Variants in ATP10B observed in about 807,000 individuals in gnomAD.
ATP10B encodes the protein phospholipid-transporting ATPase VB.
ATP10B carries 122 observed loss-of-function variants against 141.2 expected under a neutral mutation model. The observed-to-expected ratio is 0.86, with a 90% CI of 0.75 to 1.00. The LOEUF (loss-of-function observed/expected upper bound fraction) is 1.00. ATP10B is among the 50% of genes least tolerant of loss of function. ATP10B has a pLI of 0.00. For synonymous variants in ATP10B, 685 were observed against 692.0 expected (o/e 0.99, Z 0.16); for missense variants, 1,876 against 1,825.3 (o/e 1.03, Z -0.51).
At chr5:160,609,199 G>A (rs1757571961) in intron 18 of ATP10B, among the ~76,000 whole-genome samples, 1 of 152,038 alleles carries the variant, frequency 6.6e-6, no homozygotes, top group Non-Finnish European at 1.5e-5. Flanking sequence ...ATTTATTGAA[G>A]TGCTAAAAGT....
chr5:160,627,683 TA>T, intron 13 of ATP10B, among the ~76,000 whole-genome samples: 1 of 151,952 alleles, frequency 6.6e-6, no homozygotes, highest in East Asian at 1.9e-4. Flanking sequence ...TAGCAGTCAT[TA>T]AAAAAAATAA....
chr5:160,567,025 T>C (rs1272155202), intron 25 of ATP10B, among the ~76,000 whole-genome samples: 3 of 152,186 alleles, frequency 2.0e-5, no homozygotes, highest in Non-Finnish European at 2.9e-5. Flanking sequence ...TTTTGTTCTC[T>C]CACATCTCAC....
At chr5:160,814,515 T>C (rs1186030628) in intron 1 of ATP10B, among the ~76,000 whole-genome samples, 6 of 149,306 alleles carry the variant, frequency 4.0e-5, no homozygotes, top group African/African-American at 7.3e-5. Flanking sequence ...CTGATTGGCG[T>C]ACCTGAAAGT....
intron 24 of ATP10B, among the ~76,000 whole-genome samples, chr5:160,572,010 G>T (rs1046459838): frequency 6.6e-6 from 1 of 152,170 alleles, no homozygotes; most frequent in Admixed American, 6.5e-5. Flanking sequence ...TAACTTAGGA[G>T]CCTAGGTATT....
At chr5:160,724,245 T>C (rs1020549822) in intron 2 of ATP10B, among the ~76,000 whole-genome samples, 3 of 145,362 alleles carry the variant, frequency 2.1e-5, no homozygotes, top group East Asian at 4.3e-4. Context: ...TGAGAAGCTA[T>C]AATTCCTTTT....
intron 1 of ATP10B, among the ~76,000 whole-genome samples, chr5:160,831,030 C>G (rs1016945905): frequency 1.3e-4 from 20 of 151,460 alleles, no homozygotes; most frequent in African/African-American, 4.9e-4. Flanking sequence ...TGGTTAAAGA[C>G]AGACTTTGAA....
At chr5:160,739,652 C>G (rs1230908992) in intron 2 of ATP10B, among the ~76,000 whole-genome samples, 1 of 152,146 alleles carries the variant, frequency 6.6e-6, no homozygotes, top group Non-Finnish European at 1.5e-5. Context: ...TCACAGAGAC[C>G]GTGCCCTGGA....
chr5:160,715,446 T>A (rs1321815674), intron 3 of ATP10B, among the ~76,000 whole-genome samples: 1 of 144,758 alleles, frequency 6.9e-6, no homozygotes, highest in Admixed American at 6.9e-5. Context: ...GCTTCCCAGG[T>A]GAGGCAATGC....
the ATP10B span, among the ~76,000 whole-genome samples, chr5:160,914,442 G>A: frequency 1.1e-4 from 16 of 152,242 alleles, no homozygotes; most frequent in South Asian, 3.3e-3. Context: ...AAATGGTATA[G>A]CATTTGAATA....
intron 3 of ATP10B, among the ~76,000 whole-genome samples, chr5:160,703,488 T>G (rs1030231489): frequency 6.6e-6 from 1 of 152,114 alleles, no homozygotes; most frequent in Non-Finnish European, 1.5e-5. Flanking sequence ...TTTGTTTTTT[T>G]TTTTTTTAGA....
At chr5:160,885,925 T>G in the ATP10B span, among the ~76,000 whole-genome samples, 1 of 152,214 alleles carries the variant, frequency 6.6e-6, no homozygotes, top group Non-Finnish European at 1.5e-5. Context: ...GAAGTCAGGA[T>G]CTGCTTCTTG....
chr5:160,565,437 A>G lies in ATP10B; in HGVS notation c.*16T>C. ...TAGGTGGCCTCTGTTGAGTTTGTAC[A>G]GATTTCTGCAGCTCCTCATATGGTC... On this transcript the variant is annotated 3_prime_UTR_variant, in exon 26 of 26. Coordinates refer to ENST00000327245, the MANE Select transcript of ATP10B (RefSeq NM_025153.3). 6.2e-7 allele frequency: 1 copy of G among 1,612,346 alleles called. No individual in the cohort carries two copies. The highest frequency in any genetic ancestry group is 8.5e-7 in the Non-Finnish European group (1 of 1,178,886).
At chr5:160,744,375 C>T (rs1431392387) in intron 2 of ATP10B, among the ~76,000 whole-genome samples, 1 of 152,176 alleles carries the variant, frequency 6.6e-6, no homozygotes, top group Non-Finnish European at 1.5e-5. Flanking sequence ...CTCTCCCTTT[C>T]CCGGAGACAG....
chr5:160,813,534 C>G (rs912871878), intron 1 of ATP10B, among the ~76,000 whole-genome samples: 27 of 152,280 alleles, frequency 1.8e-4, no homozygotes, highest in African/African-American at 6.5e-4. Flanking sequence ...GCCTGCCTGC[C>G]TTTGTAGACT....
chr5:160,804,919 A>T (rs2127937733), intron 1 of ATP10B, among the ~76,000 whole-genome samples: 1 of 152,322 alleles, frequency 6.6e-6, no homozygotes, highest in Middle Eastern at 3.4e-3. Context: ...ATTCATACCA[A>T]AGTCCTGCTG....
chr5:160,623,545 T>C (rs1758464049), intron 13 of ATP10B, among the ~76,000 whole-genome samples: 1 of 151,782 alleles, frequency 6.6e-6, no homozygotes, highest in Non-Finnish European at 1.5e-5. Flanking sequence ...TTTCTTTTCC[T>C]CCTATTCTTC....
chr5:160,893,714 C>G, the ATP10B span, among the ~76,000 whole-genome samples: 1 of 152,208 alleles, frequency 6.6e-6, no homozygotes, highest in Non-Finnish European at 1.5e-5. Flanking sequence ...ACTGCTTCCT[C>G]AAGTGGGTCA....
intron 1 of ATP10B, among the ~76,000 whole-genome samples, chr5:160,803,921 A>T (rs556782762): frequency 4.8e-5 from 7 of 144,844 alleles, no homozygotes; most frequent in Admixed American, 3.5e-4. Context: ...GAGGAGGTCA[A>T]CACAGATTTT....
At chr5:160,684,837 G>C (rs759491983) in intron 6 of ATP10B, 22 of 689,624 alleles carry the variant, frequency 3.2e-5, no homozygotes, top group Non-Finnish European at 4.2e-5. Context: ...TGCTTTACCT[G>C]CTGTAGATGA....
Sources: allele counts gnomAD v4.1 joint callset (sites outside exome capture counted in the v4.1 genomes callset), GRCh38; gene constraint gnomAD v4.1.1; transcripts MANE v1.5; gene names NCBI Gene and HGNC (gene_info 2026-07-23, HGNC 2026-07-21).